The following PRIMPOL variants were observed in gnomAD, a reference collection of about 807,000 sequenced individuals.
The protein encoded by PRIMPOL is DNA-directed primase/polymerase protein.
In PRIMPOL, 54 loss-of-function variants were observed where a neutral mutation model predicts 63.6. That is an observed-to-expected ratio of 0.85 (90% CI 0.68 to 1.07). PRIMPOL has a LOEUF of 1.07. Ranked by LOEUF, PRIMPOL falls within the 50% of genes least tolerant of loss-of-function variation. The pLI, the probability that PRIMPOL is intolerant of heterozygous loss-of-function variation, is 0.00. For synonymous variants in PRIMPOL, 197 were observed against 220.2 expected, an observed-to-expected ratio of 0.89 and a Z score of 0.93; for missense variants, 610 against 648.3, an observed-to-expected ratio of 0.94 and a Z score of 0.64.
intron 7 of PRIMPOL, among the ~76,000 whole-genome samples, chr4:184,672,810 G>A (rs1463416585): frequency 2.0e-5 from 3 of 152,074 alleles, no homozygotes; most frequent in Non-Finnish European, 4.4e-5. Flanking sequence ...AAACAGACTC[G>A]GTATAAAAGC....
intron 13 of PRIMPOL, among the ~76,000 whole-genome samples, chr4:184,693,548 A>ATAT (rs1759575751): frequency 6.6e-6 from 1 of 152,194 alleles, no homozygotes; most frequent in African/African-American, 2.4e-5. Context: ...TTTAAAACAA[A>ATAT]TATTTTAAAT....
intron 5 of PRIMPOL, among the ~76,000 whole-genome samples, chr4:184,664,185 T>C (rs1749163690): frequency 6.6e-6 from 1 of 152,248 alleles, no homozygotes; most frequent in South Asian, 2.1e-4. Context: ...ATATGATTAC[T>C]TGTCCTACCT....
At position 184,691,057 on chromosome 4, in the gene PRIMPOL, A is replaced by G. The variant is rs141691120; in HGVS notation, c.1296-442A>G. On this transcript the variant is annotated intron_variant, in intron 11 of 13. Transcript: ENST00000314970. ...AAGAACTGCTTCATATTTACCTATT[A>G]GATCAAACTTCTTAATTGCTTTTTG... Among the ~76,000 whole-genome samples, 106 of 152,384 alleles carry G rather than the reference A, an allele frequency of 7.0e-4. 1 individual carries two copies. The highest frequency in any genetic ancestry group is 2.7e-3 in the South Asian group (13 of 4,828).
intron 6 of PRIMPOL, among the ~76,000 whole-genome samples, chr4:184,671,929 A>G (rs1257844641): frequency 6.6e-6 from 1 of 151,714 alleles, no homozygotes; most frequent in Admixed American, 6.6e-5. Context: ...TTTAGTAGAG[A>G]CGGGGTTTCA....
chr4:184,669,457 G>A (rs1022181975), intron 6 of PRIMPOL, among the ~76,000 whole-genome samples: 7 of 152,208 alleles, frequency 4.6e-5, no homozygotes, highest in Admixed American at 1.3e-4. Flanking sequence ...CTGCCGTCAG[G>A]GTGTGGAGGC....
chr4:184,693,758 A>AG (rs1759677142), intron 13 of PRIMPOL, among the ~76,000 whole-genome samples: 5 of 145,320 alleles, frequency 3.4e-5, no homozygotes, highest in Admixed American at 2.7e-4. Flanking sequence ...CATACGCATT[A>AG]TTTTTGATGA....
intron 7 of PRIMPOL, 122 bp downstream of exon 7, chr4:184,672,582 C>G (rs1477424150): frequency 2.1e-6 from 2 of 931,952 alleles, no homozygotes; most frequent in Non-Finnish European, 3.3e-6. Flanking sequence ...GTCGCCAGCA[C>G]GATGCAACCA....
chr4:184,666,677 C>T (rs372254663), intron 6 of PRIMPOL, among the ~76,000 whole-genome samples: 2 of 152,188 alleles, frequency 1.3e-5, no homozygotes, highest in African/African-American at 4.8e-5. Flanking sequence ...AGAGGCCTTT[C>T]CATTTCAAGC....
intron 9 of PRIMPOL, among the ~76,000 whole-genome samples, chr4:184,683,639 C>T (rs1410947263): frequency 6.6e-6 from 1 of 152,078 alleles, no homozygotes; most frequent in Non-Finnish European, 1.5e-5. Context: ...AGAGATCTTC[C>T]TCAGTCTTTT....
chr4:184,674,699 T>C (rs1325852703), intron 7 of PRIMPOL, among the ~76,000 whole-genome samples: 4 of 152,220 alleles, frequency 2.6e-5, no homozygotes, highest in Non-Finnish European at 4.4e-5. Context: ...GTATACGTAT[T>C]ATATACTGGA....
At chr4:184,673,287 T>G (rs1162849816) in intron 7 of PRIMPOL, among the ~76,000 whole-genome samples, 1 of 150,720 alleles carries the variant, frequency 6.6e-6, no homozygotes, top group Non-Finnish European at 1.5e-5. Flanking sequence ...CCGCCACCGC[T>G]CCCGGCTAAT....
At chr4:184,661,285 TGATAA>T (rs1748234841) in intron 4 of PRIMPOL, among the ~76,000 whole-genome samples, 1 of 152,240 alleles carries the variant, frequency 6.6e-6, no homozygotes, top group South Asian at 2.1e-4. Flanking sequence ...TGGAAACCCT[TGATAA>T]GATGAGCCAT....
At chr4:184,694,171 T>C (rs145314724) in intron 13 of PRIMPOL, 10,141 of 1,001,554 alleles carry the variant, frequency 0.01, 65 homozygotes, top group Middle Eastern at 0.018. Context: ...ACTAAGTCCA[T>C]TGTCAAGATA....
Position 184,694,789 on chromosome 4 carries a change from T to C in PRIMPOL, c.*10T>C, listed in dbSNP as rs368622355. On this transcript the variant is annotated 3_prime_UTR_variant, in exon 14 of 14. Transcript: ENST00000314970. ...AGTATTACAAGAGTAACTAATTCAC[T>C]ATGAACACTTTTGTCACCAGGCTAT... is the stretch of plus-strand genomic sequence containing the variant. 6.3e-6 allele frequency: 10 copies of C among 1,595,646 alleles called. No homozygotes were observed. In the African/African-American group the frequency reaches 1.2e-4, roughly 19 times the overall value.
At chr4:184,677,722 C>T (rs1754497584) in intron 7 of PRIMPOL, among the ~76,000 whole-genome samples, 1 of 152,170 alleles carries the variant, frequency 6.6e-6, no homozygotes. Context: ...TATAGATCAC[C>T]TAGGGGAGAA....
At chr4:184,692,858 C>T (rs73014822) in intron 13 of PRIMPOL, among the ~76,000 whole-genome samples, 9,956 of 152,176 alleles carry the variant, frequency 0.065, 1,040 homozygotes, top group African/African-American at 0.22. Context: ...TAATTTGCAT[C>T]TCTGTAATGA....
At chr4:184,692,653 A>G (rs73014817) in intron 13 of PRIMPOL, among the ~76,000 whole-genome samples, 9,851 of 151,748 alleles carry the variant, frequency 0.065, 1,031 homozygotes, top group African/African-American at 0.22. Context: ...CACACATACT[A>G]TTTCAGTTTT....
At chr4:184,655,738 A>G (rs948836971) in intron 2 of PRIMPOL, among the ~76,000 whole-genome samples, 20 of 152,238 alleles carry the variant, frequency 1.3e-4, no homozygotes, top group Admixed American at 4.6e-4. Flanking sequence ...TATCAACTCA[A>G]TAAGCACAAA....
chr4:184,674,860 C>T (rs1752861753), intron 7 of PRIMPOL, among the ~76,000 whole-genome samples: 1 of 152,178 alleles, frequency 6.6e-6, no homozygotes, highest in African/African-American at 2.4e-5. Flanking sequence ...GAAACGGCGA[C>T]AACAGCAGCT....
Sources: gnomAD v4.1 joint callset for allele counts (sites outside exome capture counted in the v4.1 genomes callset) on GRCh38, gnomAD v4.1.1 for gene constraint, MANE v1.5 for transcripts, NCBI Gene and HGNC (gene_info 2026-07-23, HGNC 2026-07-21) for gene names.